The following CCDC178 variants were observed in gnomAD, a reference collection of about 807,000 sequenced individuals.
CCDC178 encodes the protein coiled-coil domain containing 178.
In CCDC178, 126 loss-of-function variants were observed where a neutral mutation model predicts 117.4. That is an observed-to-expected ratio of 1.07 (90% CI 0.93 to 1.24). The LOEUF is 1.24. CCDC178 is among the 50% of genes most tolerant of loss of function. The pLI, the probability that CCDC178 is intolerant of heterozygous loss-of-function variation, is 0.00. For synonymous variants in CCDC178, 283 were observed against 313.4 expected, an observed-to-expected ratio of 0.90 and a Z score of 1.02; for missense variants, 1,030 against 986.9, an observed-to-expected ratio of 1.04 and a Z score of -0.59.
intron 2 of CCDC178, among the ~76,000 whole-genome samples, chr18:33,427,135 T>C (rs1473537881): frequency 6.6e-6 from 1 of 152,084 alleles, no homozygotes; most frequent in Non-Finnish European, 1.5e-5. Context: ...TCTTAACAAT[T>C]ATTTTCAAAG....
chr18:33,329,444 T>C (rs934350667), intron 10 of CCDC178, among the ~76,000 whole-genome samples: 1 of 152,182 alleles, frequency 6.6e-6, no homozygotes, highest in Non-Finnish European at 1.5e-5. Flanking sequence ...AATGTCCTTA[T>C]TCATAGTGAG....
intron 20 of CCDC178, among the ~76,000 whole-genome samples, chr18:33,149,582 A>G (rs1209009402): frequency 3.3e-5 from 5 of 152,194 alleles, no homozygotes; most frequent in Admixed American, 6.5e-5. Context: ...AAGTTGTCAC[A>G]GTGAAAATAG....
At chr18:33,016,020 T>C (rs2144813112) in intron 21 of CCDC178, among the ~76,000 whole-genome samples, 1 of 151,718 alleles carries the variant, frequency 6.6e-6, no homozygotes, top group Non-Finnish European at 1.5e-5. Flanking sequence ...ACTTCCAAAT[T>C]TGGAGGAAAA....
chr18:32,945,287 T>A (rs573432616), intron 22 of CCDC178, among the ~76,000 whole-genome samples: 3 of 152,226 alleles, frequency 2.0e-5, no homozygotes, highest in Non-Finnish European at 4.4e-5. Flanking sequence ...TAATCTCACG[T>A]GAGTTTTCTG....
chr18:33,340,844 G>C (rs12968633), intron 9 of CCDC178, among the ~76,000 whole-genome samples: 37,296 of 152,104 alleles, frequency 0.25, 4,873 homozygotes, highest in East Asian at 0.49. Context: ...TGCTGTAAGG[G>C]TGGGGCCCTC....
chr18:33,213,907 C>T (rs906487972), intron 19 of CCDC178, among the ~76,000 whole-genome samples: 2 of 152,064 alleles, frequency 1.3e-5, no homozygotes, highest in African/African-American at 4.8e-5. Flanking sequence ...ATACACTTTC[C>T]CACTTGCCAT....
intron 12 of CCDC178, among the ~76,000 whole-genome samples, chr18:33,277,111 T>G (rs937895342): frequency 2.0e-5 from 3 of 152,094 alleles, no homozygotes; most frequent in African/African-American, 7.2e-5. Flanking sequence ...TTAACCAATG[T>G]AATCAGATAA....
rs983405818 is a variant in CCDC178, at chr18:33,026,235, G to A, written c.2389-51554C>T. ...TGGTTGAGGAAGGAATGTGGGTGTGGTTATAAAAGAGCAATATGAGGAATC... is the reference window on the plus strand; with the variant it reads ...TGGTTGAGGAAGGAATGTGGGTGTGATTATAAAAGAGCAATATGAGGAATC... On this transcript the variant is annotated intron_variant, in intron 21 of 22. Transcript: ENST00000383096. Among the ~76,000 whole-genome samples the A allele has an allele frequency of 2.0e-5, 3 of 151,966 alleles. No homozygotes were observed. The South Asian group carries it at 6.2e-4, about 31-fold the overall frequency.
chr18:33,394,899 T>C (rs2144839227), intron 4 of CCDC178, among the ~76,000 whole-genome samples: 1 of 143,748 alleles, frequency 7.0e-6, no homozygotes, highest in East Asian at 2.0e-4. Flanking sequence ...TTATCAGATC[T>C]ACTTTTCCAC....
chr18:33,440,809 T>TCCTGG (rs2064378099), upstream of CCDC178: 1 of 154,186 alleles, frequency 6.5e-6, no homozygotes, highest in African/African-American at 2.4e-5. Flanking sequence ...CTCCGGGGCC[T>TCCTGG]CCTGGCTCGA....
At chr18:33,117,147 G>A (rs117776479) in intron 20 of CCDC178, among the ~76,000 whole-genome samples, 1 of 152,122 alleles carries the variant, frequency 6.6e-6, no homozygotes, top group East Asian at 1.9e-4. Flanking sequence ...TTCTTAATGG[G>A]CAAAAAATGA....
chr18:33,060,086 C>G (rs1472130192), intron 21 of CCDC178, among the ~76,000 whole-genome samples: 1 of 152,042 alleles, frequency 6.6e-6, no homozygotes, highest in Admixed American at 6.6e-5. Context: ...GCCTCTAAGA[C>G]TCAGTATAGG....
At chr18:33,308,431 T>C (rs1318977020) in intron 11 of CCDC178, among the ~76,000 whole-genome samples, 1 of 152,230 alleles carries the variant, frequency 6.6e-6, no homozygotes, top group Non-Finnish European at 1.5e-5. Flanking sequence ...AGGGAGTAAC[T>C]AACTTGCTTT....
At position 33,001,395 on chromosome 18, in the gene CCDC178, C is replaced by T. The variant is rs140978335; in HGVS notation, c.2389-26714G>A. Among the ~76,000 whole-genome samples, 1,066 of 148,668 alleles carry T rather than the reference C, an allele frequency of 7.2e-3. 8 individuals carry two copies. The highest frequency in any genetic ancestry group is 0.024 in the African/African-American group (947 of 39,038). On this transcript the variant is annotated intron_variant, in intron 21 of 22. Coordinates refer to ENST00000383096, the MANE Select transcript of CCDC178 (RefSeq NM_001105528.4). ...GGATGTGGTGGTGGGTGCCTGTAGT[C>T]GCAGCTACTTGGGAGGCTGAGGCAG...
chr18:33,262,237 T>G (rs914319497), intron 14 of CCDC178, among the ~76,000 whole-genome samples: 1 of 152,226 alleles, frequency 6.6e-6, no homozygotes, highest in African/African-American at 2.4e-5. Context: ...AAAGTACTTC[T>G]GCATTTTACA....
At chr18:33,096,272 G>GA (rs896226904) in intron 20 of CCDC178, among the ~76,000 whole-genome samples, 1 of 139,790 alleles carries the variant, frequency 7.2e-6, no homozygotes, top group African/African-American at 2.7e-5. Context: ...TTCTTTTTGG[G>GA]AAAAAAATGT....
intron 22 of CCDC178, among the ~76,000 whole-genome samples, chr18:32,945,503 T>G (rs759056052): frequency 6.6e-6 from 1 of 152,224 alleles, no homozygotes; most frequent in Non-Finnish European, 1.5e-5. Context: ...TTGTTACATA[T>G]TTAATTTTCC....
chr18:33,227,840 A>G (rs1034166988), intron 15 of CCDC178, among the ~76,000 whole-genome samples: 22 of 152,122 alleles, frequency 1.4e-4, no homozygotes, highest in African/African-American at 5.3e-4. Context: ...TAACTTTGAT[A>G]TATCATTTTA....
chr18:33,315,595 C>T (rs1444931059), intron 11 of CCDC178, among the ~76,000 whole-genome samples: 1 of 152,114 alleles, frequency 6.6e-6, no homozygotes, highest in African/African-American at 2.4e-5. Flanking sequence ...CAGGAGAGAA[C>T]CAGATCTACC....
Sources: allele counts gnomAD v4.1 joint callset (sites outside exome capture counted in the v4.1 genomes callset), GRCh38; gene constraint gnomAD v4.1.1; transcripts MANE v1.5; gene names NCBI Gene and HGNC (gene_info 2026-07-23, HGNC 2026-07-21).